The following DLST variants were observed in gnomAD, a reference collection of about 807,000 sequenced individuals.
DLST encodes dihydrolipoamide S-succinyltransferase.
Under a neutral mutation model 53.1 loss-of-function variants are expected in DLST, and 17 were observed. The ratio of observed to expected loss-of-function variants is 0.32; its 90% CI spans 0.22 to 0.48. The LOEUF is 0.48. Among genes scored for constraint, DLST ranks in the 20% least tolerant of loss-of-function variants. The probability of loss-of-function intolerance (pLI) is 0.99; values close to 1 mark genes in which losing one functional copy is unlikely to be tolerated. For synonymous variants in DLST, 206 were observed against 204.8 expected, an observed-to-expected ratio of 1.01 and a Z score of -0.05; for missense variants, 512 against 583.9, an observed-to-expected ratio of 0.88 and a Z score of 1.27.
rs113724521 is a variant in DLST, at chr14:74,896,129, C to T, written c.770+1720C>T. On this transcript the variant is annotated intron_variant, in intron 10 of 14. Coordinates refer to ENST00000334220, the MANE Select transcript of DLST (RefSeq NM_001933.5). ...CTGCTTTGGTCTCCCACTGGGATTA[C>T]AGGCATGAGCCACCATTCCTGGCCA... is the stretch of plus-strand genomic sequence containing the variant. Among the ~76,000 whole-genome samples the T allele has an allele frequency of 4.3e-3, 655 of 152,318 alleles. 3 individuals are homozygous for T. The highest frequency in any genetic ancestry group is 0.015 in the African/African-American group (634 of 41,568).
intron 13 of DLST, 129 bp from the exon 14 acceptor site, chr14:74,900,937 G>A (rs1000308785): frequency 5.3e-6 from 5 of 938,882 alleles, no homozygotes; most frequent in Non-Finnish European, 6.4e-6. Flanking sequence ...TGTTGCCCAG[G>A]TTGGCCTTGA....
Position 74,902,477 on chromosome 14 carries a change from C to A in DLST, c.*147C>A. 1.1e-6 allele frequency: 1 copy of A among 948,366 alleles called. No homozygotes were observed. Among genetic ancestry groups the A allele is most frequent in the South Asian group, 2.5e-5 (1 of 39,928 alleles). The allele number at this position is 948,366 out of a possible 1,614,324, so 58.7% of individuals were successfully genotyped here. A position where few individuals can be genotyped will look rare whatever the true frequency, so the allele number is the denominator to read the frequency against. ...AGGAAGCAGAGCACTGTGTAACCAG[C>A]AGTCACAGGTCTTTTCTTGGCGTTC... is the stretch of plus-strand genomic sequence containing the variant. On this transcript the variant is annotated 3_prime_UTR_variant, in exon 15 of 15. Coordinates refer to ENST00000334220, the MANE Select transcript of DLST (RefSeq NM_001933.5).
intron 11 of DLST, among the ~76,000 whole-genome samples, 184 bp downstream of exon 11, chr14:74,898,683 C>G (rs1043632369): frequency 6.6e-6 from 1 of 152,260 alleles, no homozygotes; most frequent in East Asian, 1.9e-4. Flanking sequence ...TACTTTCTAC[C>G]CGCCAGCTGG....
At chr14:74,901,368 T>C in intron 14 of DLST, 135 bp downstream of exon 14, 1 of 852,622 alleles carries the variant, frequency 1.2e-6, no homozygotes, top group Non-Finnish European at 1.8e-6. Context: ...GCTAAGGCAC[T>C]GATTATCAAA....
rs535010355 is a variant in DLST, at chr14:74,892,998, A to G, written c.595+12A>G. On this transcript the variant is annotated intron_variant, in intron 8 of 14. Transcript: ENST00000334220. ...TTCTGGCAAACCTGGTAGGCTTCCA[A>G]CTCCCACATGTCATGTGGGAGAACA... is the stretch of plus-strand genomic sequence containing the variant. 7.6e-5 allele frequency: 122 copies of G among 1,607,232 alleles called. No individual in the cohort carries two copies. The East Asian group carries it at 2.1e-3, about 27-fold the overall frequency.
intron 14 of DLST, 51 bp from the exon 15 acceptor site, chr14:74,902,145 G>T: frequency 6.8e-7 from 1 of 1,481,298 alleles, no homozygotes; most frequent in African/African-American, 1.4e-5. Flanking sequence ...CCTTCAGCGA[G>T]GCTGGCTGTG....
intron 14 of DLST, among the ~76,000 whole-genome samples, 184 bp from the exon 15 acceptor site, chr14:74,902,010 TTC>T (rs1325368190): frequency 6.6e-6 from 1 of 152,206 alleles, no homozygotes; most frequent in African/African-American, 2.4e-5. Flanking sequence ...CAAACTTTGT[TTC>T]TGAGTGGGGA....
Position 74,881,958 on chromosome 14 carries a change from T to C in DLST, c.5T>C (p.Leu2Pro). 1 of 1,564,296 alleles carries C rather than the reference T, an allele frequency of 6.4e-7. No homozygotes were observed. Among genetic ancestry groups the C allele is most frequent in the South Asian group, 1.2e-5 (1 of 86,580 alleles). The change falls in exon 1 of 15, where the codon CTG (leucine) becomes CCG (proline). Residue 2 changes from leucine to proline, a missense_variant. Around this residue, in one of 4 missense-constraint regions of DLST, gnomAD observed 129 missense variants for 90.9 expected, o/e 1.42. Transcript: ENST00000334220. M[L>P]SRSRCVSRAF... ...GCCCTCGGCTCCTCCGCCGTGATGC[T>C]GTCCCGATCCCGCTGTGTGTCTCGG...
chr14:74,886,260 G>A (rs563940916), intron 3 of DLST, among the ~76,000 whole-genome samples: 3 of 152,366 alleles, frequency 2.0e-5, no homozygotes, highest in South Asian at 2.1e-4. Flanking sequence ...TTACTCTACA[G>A]GGAGAATCCT....
intron 3 of DLST, among the ~76,000 whole-genome samples, chr14:74,887,268 C>T (rs1478589473): frequency 6.6e-6 from 1 of 152,048 alleles, no homozygotes; most frequent in African/African-American, 2.4e-5. Flanking sequence ...GTGGTATGAT[C>T]CCATTGTAAG....
Position 74,901,104 on chromosome 14 carries a change from C to T in DLST, c.1098C>T (p.Gly366=), listed in dbSNP as rs20578. The change falls in exon 14 of 15, where the codon GGC becomes GGT. Residue 366 remains glycine, a synonymous_variant. Coordinates refer to ENST00000334220, the MANE Select transcript of DLST (RefSeq NM_001933.5). The part of the protein sequence containing the change: ...KNELAIEDMD[G]GTFTISNGGV... The stretch of plus-strand genomic sequence containing the variant: ...AACTTGCCATTGAAGATATGGATGG[C>T]GGTACCTTCACCATTAGCAATGGAG... 0.31 allele frequency: 500,856 copies of T among 1,613,078 alleles called. 79,304 individuals carry two copies. The highest frequency in any genetic ancestry group is 0.33 in the African/African-American group (24,638 of 74,870).
rs1257763656 is a variant in DLST at position 74,901,049 on chromosome 14, A to G, written c.1060-17A>G. ...ACTGGGTTGGCTTGATATTTCAATT[A>G]TGAAATCTGTTTTTAGGCCCGAAAG... On this transcript the variant is annotated splice_polypyrimidine_tract_variant and intron_variant, in intron 13 of 14. Coordinates refer to ENST00000334220, the MANE Select transcript of DLST (RefSeq NM_001933.5). 1.2e-6 allele frequency: 2 copies of G among 1,612,506 alleles called. No individual in the cohort carries two copies.
intron 7 of DLST, 88 bp downstream of exon 7, chr14:74,891,255 A>G (rs1883897526): frequency 6.3e-7 from 1 of 1,578,862 alleles, no homozygotes; most frequent in Non-Finnish European, 8.6e-7. Flanking sequence ...CCGATATGTC[A>G]AAGACTCTTG....
chr14:74,883,282 G>C (rs1883593892), intron 2 of DLST, among the ~76,000 whole-genome samples: 2 of 140,962 alleles, frequency 1.4e-5, no homozygotes, highest in African/African-American at 5.5e-5. Flanking sequence ...GCGACAGAGC[G>C]AGACTCCATC....
Position 74,894,299 on chromosome 14 carries a change from C to T in DLST, c.673-13C>T, listed in dbSNP as rs1252282127. 6.2e-6 allele frequency: 10 copies of T among 1,613,656 alleles called. No individual in the cohort carries two copies. Among genetic ancestry groups the T allele is most frequent in the African/African-American group, 4.0e-5 (3 of 74,920 alleles). On this transcript the variant is annotated splice_polypyrimidine_tract_variant and intron_variant, in intron 9 of 14. Coordinates refer to ENST00000334220, the MANE Select transcript of DLST (RefSeq NM_001933.5). ...GATCAGATTGTCAATGCTTGTTCCA[C>T]TCTTACTTTCAGGAGAAAATGAACA... is the stretch of plus-strand genomic sequence containing the variant.
chr14:74,895,698 G>A lies in DLST; in HGVS notation c.770+1289G>A, dbSNP rs980943793. The stretch of plus-strand genomic sequence containing the variant: ...GTGGATCACATGAGGCCAGGAGTTC[G>A]AGACCAGCCTGGCCAACGTGGTGAA... On this transcript the variant is annotated intron_variant, in intron 10 of 14. Transcript: ENST00000334220. 3.3e-5 allele frequency among the ~76,000 whole-genome samples: 5 copies of A among 152,100 alleles called. No homozygotes were observed. In the East Asian group the frequency reaches 7.7e-4, roughly 23 times the overall value.
intron 5 of DLST, 154 bp downstream of exon 5, chr14:74,889,503 G>C: frequency 3.1e-6 from 2 of 645,792 alleles, no homozygotes; most frequent in South Asian, 4.2e-5. Flanking sequence ...CGAATAGCTG[G>C]GATTACAGGT....
rs372053917 is a variant in DLST at position 74,901,242 on chromosome 14, C to T, written c.1227+9C>T. The stretch of plus-strand genomic sequence containing the variant: ...TGGCTATAGGAGGCAAGGTAGGAAC[C>T]GTCACTTCTAAGGTCCTAGTGGCTA... On this transcript the variant is annotated intron_variant, in intron 14 of 14. Transcript: ENST00000334220. 5.0e-5 allele frequency: 81 copies of T among 1,613,160 alleles called. No individual in the cohort carries two copies. In the East Asian group the frequency reaches 1.5e-3, roughly 31 times the overall value.
intron 10 of DLST, 60 bp downstream of exon 10, chr14:74,894,469 C>A: frequency 6.5e-7 from 1 of 1,546,288 alleles, no homozygotes; most frequent in Non-Finnish European, 8.9e-7. Context: ...CACGAACTTG[C>A]CCCACTCCTT....
Sources: allele counts gnomAD v4.1 joint callset (sites outside exome capture counted in the v4.1 genomes callset), GRCh38; gene constraint gnomAD v4.1.1; regional missense constraint gnomAD v4.1.1; transcripts MANE v1.5; gene names NCBI Gene and HGNC (gene_info 2026-07-23, HGNC 2026-07-21).